The following PCDH15 variants were observed in gnomAD, a reference collection of about 807,000 sequenced individuals.
PCDH15 encodes the protein protocadherin-15.
Under a neutral mutation model 178.5 loss-of-function variants are expected in PCDH15, and 129 were observed. The ratio of observed to expected loss-of-function variants is 0.72; its 90% confidence interval spans 0.63 to 0.84. The LOEUF (loss-of-function observed/expected upper bound fraction) is 0.84, where lower values mean the gene tolerates loss of function less well. Among genes scored for constraint, PCDH15 ranks in the 40% least tolerant of loss-of-function variants. PCDH15 has a pLI of 0.00. For synonymous variants in PCDH15, 800 were observed against 732.0 expected, an observed-to-expected ratio of 1.09 and a Z score of -1.50; for missense variants, 2,230 against 2,099.9, an observed-to-expected ratio of 1.06 and a Z score of -1.21.
At chr10:55,475,138 C>A (rs989062785) in intron 2 of PCDH15, among the ~76,000 whole-genome samples, 1 of 151,978 alleles carries the variant, frequency 6.6e-6, no homozygotes, top group East Asian at 1.9e-4. Context: ...AGGTACCAGG[C>A]TCTTTTTAAC....
chr10:54,187,633 T>C (rs928749823), intron 11 of PCDH15, among the ~76,000 whole-genome samples: 1 of 151,920 alleles, frequency 6.6e-6, no homozygotes, highest in Non-Finnish European at 1.5e-5. Context: ...TGGAGAAAGA[T>C]AACATTTCCC....
chr10:54,260,813 A>G (rs2057264307), intron 8 of PCDH15, among the ~76,000 whole-genome samples: 1 of 152,096 alleles, frequency 6.6e-6, no homozygotes, highest in Non-Finnish European at 1.5e-5. Flanking sequence ...TTGTATTTTT[A>G]GTAGAGACGG....
chr10:54,734,902 C>A, intron 1 of PCDH15, among the ~76,000 whole-genome samples: 1 of 151,932 alleles, frequency 6.6e-6, no homozygotes, highest in East Asian at 1.9e-4. Flanking sequence ...ATGGAAGTTT[C>A]TTTGGGGTAA....
At chr10:55,425,699 C>G (rs112489195) in intron 2 of PCDH15, among the ~76,000 whole-genome samples, 1,836 of 152,108 alleles carry the variant, frequency 0.012, 46 homozygotes, top group African/African-American at 0.042. Context: ...CTCATTAAAA[C>G]TTCTGATATC....
intron 26 of PCDH15, among the ~76,000 whole-genome samples, chr10:53,870,640 C>T (rs1481522145): frequency 6.6e-6 from 1 of 152,144 alleles, no homozygotes; most frequent in Non-Finnish European, 1.5e-5. Flanking sequence ...GGGTGCCATA[C>T]TTAAGAGCAA....
At chr10:54,302,776 T>C (rs545695544) in intron 8 of PCDH15, among the ~76,000 whole-genome samples, 17 of 152,308 alleles carry the variant, frequency 1.1e-4, no homozygotes, top group African/African-American at 4.1e-4. Context: ...AGGTCGCTCC[T>C]CCTTTGACCT....
intron 1 of PCDH15, among the ~76,000 whole-genome samples, chr10:54,779,479 CATATATATGT>C (rs1195754924): frequency 1.4e-3 from 96 of 69,626 alleles, no homozygotes; most frequent in Middle Eastern, 0.011. Context: ...TATATACACA[CATATATATGT>C]ATATATATAC....
chr10:55,385,080 A>C (rs1445936225), intron 2 of PCDH15, among the ~76,000 whole-genome samples: 3 of 152,230 alleles, frequency 2.0e-5, no homozygotes, highest in African/African-American at 7.2e-5. Context: ...AAATTCATAC[A>C]CATACCATTA....
At chr10:55,338,831 C>G (rs1020474959) in intron 2 of PCDH15, among the ~76,000 whole-genome samples, 1 of 151,996 alleles carries the variant, frequency 6.6e-6, no homozygotes, top group African/African-American at 2.4e-5. Flanking sequence ...TTGGCAACAA[C>G]GTGGATGGAA....
At chr10:54,192,105 AAG>A (rs1179840171) in intron 11 of PCDH15, among the ~76,000 whole-genome samples, 2 of 107,442 alleles carry the variant, frequency 1.9e-5, no homozygotes, top group African/African-American at 1.0e-4. Context: ...GGAAGGAAGA[AAG>A]AAAAAAAAAA....
At chr10:54,434,863 A>C (rs1271489386) in intron 3 of PCDH15, among the ~76,000 whole-genome samples, 2 of 152,192 alleles carry the variant, frequency 1.3e-5, no homozygotes, top group Non-Finnish European at 2.9e-5. Flanking sequence ...TTTTCTTCTC[A>C]CTAGTAACTG....
chr10:54,178,297 A>G (rs2047638462), intron 13 of PCDH15, among the ~76,000 whole-genome samples: 1 of 152,178 alleles, frequency 6.6e-6, no homozygotes, highest in Non-Finnish European at 1.5e-5. Flanking sequence ...ATAAATACAG[A>G]TAGAAATATA....
chr10:53,842,504 T>G (rs1038675571), intron 28 of PCDH15, among the ~76,000 whole-genome samples: 1 of 152,034 alleles, frequency 6.6e-6, no homozygotes, highest in African/African-American at 2.4e-5. Context: ...GCCTCGGCCT[T>G]TCAAAGTGCT....
intron 1 of PCDH15, among the ~76,000 whole-genome samples, chr10:54,746,146 TTGTTGTGGGGG>T (rs1310141187): frequency 7.2e-5 from 11 of 152,276 alleles, no homozygotes; most frequent in Admixed American, 6.5e-4. Context: ...AGATGACACC[TTGTTGTGGGGG>T]TGTCCTATGA....
chr10:55,286,045 T>A (rs1379648836), intron 1 of PCDH15, among the ~76,000 whole-genome samples: 1 of 151,984 alleles, frequency 6.6e-6, no homozygotes, highest in Non-Finnish European at 1.5e-5. Context: ...ATCTGAAATG[T>A]TATGAACATG....
At chr10:55,591,278 CA>C (rs1190334862) in intron 2 of PCDH15, among the ~76,000 whole-genome samples, 3 of 151,762 alleles carry the variant, frequency 2.0e-5, no homozygotes, top group Non-Finnish European at 4.4e-5. Flanking sequence ...ACCAAAACTA[CA>C]AAAAAATTAG....
At position 53,832,030 on chromosome 10, in the gene PCDH15, GAC is replaced by G. The variant is rs1451099047; in HGVS notation, c.3984-499_3984-498del. ...TCTGAGGCACCAAACTAAGATTTCA[GAC>G]TCAAACTCTGTATTTGTTTGCCATA... On this transcript the variant is annotated intron_variant, in intron 29 of 37. Transcript: ENST00000644397. Among the ~76,000 whole-genome samples, 104 of 151,318 alleles carry G rather than the reference GAC, an allele frequency of 6.9e-4. 2 individuals are homozygous for G. Among genetic ancestry groups the G allele is most frequent in the African/African-American group, 2.5e-3 (102 of 40,696 alleles).
At chr10:54,150,310 ATC>A (rs1324524533) in intron 14 of PCDH15, among the ~76,000 whole-genome samples, 2 of 152,130 alleles carry the variant, frequency 1.3e-5, no homozygotes, top group East Asian at 3.9e-4. Flanking sequence ...CACCAACCGT[ATC>A]TCTGTGATTA....
At chr10:55,468,015 C>A (rs973912588) in intron 2 of PCDH15, among the ~76,000 whole-genome samples, 3 of 134,044 alleles carry the variant, frequency 2.2e-5, no homozygotes, top group African/African-American at 8.9e-5. Flanking sequence ...TCTGCCAGGA[C>A]TTCCTTCCAT....
Sources: allele counts gnomAD v4.1 joint callset (sites outside exome capture counted in the v4.1 genomes callset), GRCh38; gene constraint gnomAD v4.1.1; transcripts MANE v1.5; gene names NCBI Gene and HGNC (gene_info 2026-07-23, HGNC 2026-07-21).